CUL4B: variants seen among roughly 807,000 people sequenced by gnomAD.
The protein encoded by CUL4B is cullin-4B.
In CUL4B, 1 loss-of-function variant was observed where a neutral mutation model predicts 69.2. The ratio of observed to expected loss-of-function variants is 0.01; its 90% CI spans 0.01 to 0.07. CUL4B has a LOEUF of 0.07. Ranked by LOEUF, CUL4B falls within the 10% of genes least tolerant of loss-of-function variation. The pLI, the probability that CUL4B is intolerant of heterozygous loss-of-function variation, is 1.00. For synonymous variants in CUL4B, 237 were observed against 223.2 expected (o/e 1.06, Z -0.55); for missense variants, 328 against 638.8 (o/e 0.51, Z 5.24).
chrX:120,544,731 C>A (rs910654957), intron 5 of CUL4B, 88 bp from the exon 6 acceptor site: 1 of 741,485 alleles, frequency 1.3e-6, no homozygotes, highest in Non-Finnish European at 2.1e-6. Flanking sequence ...TGTTCCCATG[C>A]TAATTAGGGC....
chrX:120,539,024 G>A (rs1465397045), intron 12 of CUL4B, among the ~76,000 whole-genome samples: 1 of 111,524 alleles, frequency 9.0e-6, no homozygotes, highest in African/African-American at 3.3e-5. Flanking sequence ...TTTGTGGACT[G>A]GTAGCTTTGG....
At chrX:120,543,187 T>C (rs1924105723) in intron 8 of CUL4B, among the ~76,000 whole-genome samples, 154 bp from the exon 9 acceptor site, 2 of 111,498 alleles carry the variant, frequency 1.8e-5, no homozygotes, top group Non-Finnish European at 3.8e-5. Context: ...TCAGAGTTAC[T>C]ATACTTTATG....
At chrX:120,527,652 T>C (rs1038727359) in intron 19 of CUL4B, among the ~76,000 whole-genome samples, 6 of 111,784 alleles carry the variant, frequency 5.4e-5, no homozygotes, top group Non-Finnish European at 1.1e-4. Flanking sequence ...GTTTCATACA[T>C]ACCTTACATA....
Position 120,540,490 on chromosome X carries a change from C to T in CUL4B, c.1516G>A (p.Asp506Asn). 8.3e-7 allele frequency: 1 copy of T among 1,203,762 alleles called. No homozygotes were observed. Among genetic ancestry groups the T allele is most frequent in the Non-Finnish European group, 1.1e-6 (1 of 889,223 alleles). Residue 506 changes from aspartate to asparagine, a missense_variant, in exon 11 of 20, where the codon GAT (aspartate) becomes AAT (asparagine). Transcript: ENST00000371322. ...TMVQELLDFK[D>N]KVDHIIDICF... ...ATATCAATTATATGGTCAACCTTATCTTTAAAATCCAGCAATTCTTGAACC... is the reference window on the plus strand; with the variant it reads ...ATATCAATTATATGGTCAACCTTATTTTTAAAATCCAGCAATTCTTGAACC...
rs778654277 is a variant in CUL4B, at chrX:120,523,985, CAA to C, written c.*2774_*2775del. On this transcript the variant is annotated 3_prime_UTR_variant, in exon 20 of 20. Coordinates refer to ENST00000371322, the MANE Select transcript of CUL4B (RefSeq NM_001079872.2). ...GCATTAAACAGAGTGGTCATGAAAA[CAA>C]AGACCAGCTCATTTTAAAAGATTTA... is the stretch of plus-strand genomic sequence containing the variant. Among the ~76,000 whole-genome samples the C allele has an allele frequency of 5.4e-5, 6 of 111,703 alleles. No homozygotes were observed. The East Asian group carries it at 1.7e-3, about 31-fold the overall frequency.
chrX:120,558,050 T>C lies in CUL4B; in HGVS notation c.557-11A>G, dbSNP rs776962581. 3 of 1,053,485 alleles carry C rather than the reference T, an allele frequency of 2.8e-6. No individual in the cohort carries two copies. The highest frequency in any genetic ancestry group is 4.4e-5 in the Admixed American group (2 of 45,301). 86.8% of individuals were successfully genotyped at this position (1,053,485 alleles called of 1,213,427 possible). ...GTAATTTAGGCTTATCTAGATGATA[T>C]GTAAAAGGTTGGCATCAGAATACCA... On this transcript the variant is annotated splice_polypyrimidine_tract_variant and intron_variant, in intron 1 of 19. Transcript: ENST00000371322.
intron 11 of CUL4B, among the ~76,000 whole-genome samples, 166 bp downstream of exon 11, chrX:120,540,204 C>T (rs765098993): frequency 8.9e-6 from 1 of 112,100 alleles, no homozygotes; most frequent in South Asian, 3.7e-4. Flanking sequence ...GCTTTCAGTA[C>T]TTACATCCAG....
intron 14 of CUL4B, among the ~76,000 whole-genome samples, chrX:120,537,400 C>T (rs371199111): frequency 2.7e-5 from 3 of 110,616 alleles, no homozygotes; most frequent in Non-Finnish European, 5.7e-5. Context: ...CTTGCAGCAA[C>T]CCCCATTCCT....
rs1183907853 is a variant in CUL4B, at chrX:120,546,600, C to T, written c.793G>A (p.Val265Ile). The T allele has an allele frequency of 5.0e-6, 6 of 1,193,244 alleles. No homozygotes were observed. The highest frequency in any genetic ancestry group is 6.8e-6 in the Non-Finnish European group (6 of 879,662). The change falls in exon 4 of 20, where the codon GTT becomes ATT. Residue 265 changes from valine to isoleucine, a missense_variant. Around this residue, in one of 4 missense-constraint regions of CUL4B, gnomAD observed 126 missense variants for 202.5 expected, o/e 0.62. Coordinates refer to ENST00000371322, the MANE Select transcript of CUL4B (RefSeq NM_001079872.2). ...HQFREDSLDS[V>I]LFLKKIDRCW... Reference sequence around the variant, plus strand: ...CTATCAATCTTCTTTAAAAAAAGAACGCTATCCAATGAATCCCTGAAACAT... The same window carrying T: ...CTATCAATCTTCTTTAAAAAAAGAATGCTATCCAATGAATCCCTGAAACAT...
chrX:120,529,180 T>C (rs1313253988), intron 19 of CUL4B, among the ~76,000 whole-genome samples: 6 of 111,433 alleles, frequency 5.4e-5, no homozygotes, highest in Non-Finnish European at 1.1e-4. Flanking sequence ...GTGAAATGAC[T>C]ATTAAGCAGA....
chrX:120,533,773 T>C (rs1264217363), intron 17 of CUL4B, among the ~76,000 whole-genome samples: 1 of 111,783 alleles, frequency 8.9e-6, no homozygotes, highest in East Asian at 2.8e-4. Context: ...CCTATGGTTA[T>C]ATAAAGAGTT....
rs6645657 is a variant in CUL4B at position 120,546,951 on chromosome X, C to T, written c.776+185G>A. 0.067 allele frequency among the ~76,000 whole-genome samples: 7,524 copies of T among 111,472 alleles called. 614 individuals carry two copies. Among genetic ancestry groups the T allele is most frequent in the African/African-American group, 0.23 (6,977 of 30,537 alleles). Reference sequence around the variant, plus strand: ...ACATCTTATTTACATGAATACCACACGTAGTCCTGGACACGAATTAAGGCT... The same window carrying T: ...ACATCTTATTTACATGAATACCACATGTAGTCCTGGACACGAATTAAGGCT... On this transcript the variant is annotated intron_variant, in intron 3 of 19. Coordinates refer to ENST00000371322, the MANE Select transcript of CUL4B (RefSeq NM_001079872.2).
rs1000202122 is a variant in CUL4B, at chrX:120,557,130, C to T, written c.672+794G>A. 4.5e-5 allele frequency among the ~76,000 whole-genome samples: 5 copies of T among 110,636 alleles called. No individual in the cohort carries two copies. The East Asian group carries it at 1.1e-3, about 25-fold the overall frequency. Reference sequence around the variant, plus strand: ...TTCTCCATGTTGGTCAGGCTGGTCTCGAACTCCTGACCTCAGGTGATCTGC... The same window carrying T: ...TTCTCCATGTTGGTCAGGCTGGTCTTGAACTCCTGACCTCAGGTGATCTGC... On this transcript the variant is annotated intron_variant, in intron 2 of 19. Transcript: ENST00000371322.
chrX:120,527,658 A>C (rs1214742405), intron 19 of CUL4B, among the ~76,000 whole-genome samples: 1 of 111,897 alleles, frequency 8.9e-6, no homozygotes, highest in East Asian at 2.8e-4. Flanking sequence ...TACATACCTT[A>C]CATAGCCTGA....
upstream of CUL4B, among the ~76,000 whole-genome samples, chrX:120,565,812 G>A (rs376443183): frequency 1.7e-3 from 150 of 88,714 alleles, no homozygotes; most frequent in African/African-American, 5.9e-3. Flanking sequence ...TGCAAGCTCC[G>A]CCTCCCGGGT....
downstream of CUL4B, among the ~76,000 whole-genome samples, chrX:120,567,118 A>ATTTTTTTTTTT (rs72483160): frequency 1.8e-5 from 1 of 55,297 alleles, no homozygotes; most frequent in Non-Finnish European, 3.2e-5. Context: ...GCCAATTTAG[A>ATTTTTTTTTTT]TTTTTTTTTT....
At chrX:120,566,809 C>T (rs1416237368), downstream of CUL4B, among the ~76,000 whole-genome samples, 1 of 111,374 alleles carries the variant, frequency 9.0e-6, no homozygotes, top group African/African-American at 3.3e-5. Context: ...ATCTGTCATA[C>T]CTGTGAACCA....
At position 120,538,769 on chromosome X, in the gene CUL4B, G is replaced by T. The variant is rs1365805546; in HGVS notation, c.1743C>A (p.Gly581=). ...TATAGAAGGCCTCAAAAACATCCTT[G>T]CCTATGTAAAAAGAAATGCAAAATT... The part of the protein sequence containing the change: ...KIMIIFRFIY[G]KDVFEAFYKK... Residue 581 remains glycine (G), a splice_region_variant and synonymous_variant, in exon 13 of 20, where the codon GGC becomes GGA. Transcript: ENST00000371322. 1.2e-5 allele frequency: 14 copies of T among 1,171,186 alleles called. No homozygotes were observed. The highest frequency in any genetic ancestry group is 1.6e-5 in the Non-Finnish European group (14 of 862,115).
At chrX:120,531,065 T>C (rs949802574) in intron 18 of CUL4B, among the ~76,000 whole-genome samples, 1 of 111,547 alleles carries the variant, frequency 9.0e-6, no homozygotes, top group African/African-American at 3.3e-5. Context: ...GGCTCACACC[T>C]ATAATTCCAG....
Sources: gnomAD v4.1 joint callset for allele counts (sites outside exome capture counted in the v4.1 genomes callset) on GRCh38, gnomAD v4.1.1 for gene constraint, gnomAD v4.1.1 regional missense constraint, MANE v1.5 for transcripts, NCBI Gene and HGNC (gene_info 2026-07-23, HGNC 2026-07-21) for gene names.